The following PMFBP1 variants were observed in gnomAD, a reference collection of about 807,000 sequenced individuals.
PMFBP1 encodes polyamine modulated factor 1 binding protein 1, also known as polyamine-modulated factor 1-binding protein 1.
Under a neutral mutation model 137.8 loss-of-function variants are expected in PMFBP1, and 131 were observed. That is an observed-to-expected ratio of 0.95 (90% CI 0.82 to 1.10). The LOEUF (loss-of-function observed/expected upper bound fraction) is 1.10, where lower values mean the gene tolerates loss of function less well. Among genes scored for constraint, PMFBP1 ranks in the 50% least tolerant of loss-of-function variants. The pLI is 0.00. For synonymous variants in PMFBP1, 490 were observed against 450.4 expected, an observed-to-expected ratio of 1.09 and a Z score of -1.11; for missense variants, 1,199 against 1,175.4, an observed-to-expected ratio of 1.02 and a Z score of -0.29.
the PMFBP1 span, chr16:72,224,767 T>C: frequency 6.6e-6 from 1 of 152,252 alleles, no homozygotes; most frequent in East Asian, 1.9e-4. Context: ...AGTGACTGAA[T>C]CAACTTGCTC....
At chr16:72,183,968 T>C in the PMFBP1 span, among the ~76,000 whole-genome samples, 1 of 152,142 alleles carries the variant, frequency 6.6e-6, no homozygotes, top group Non-Finnish European at 1.5e-5. Context: ...CCCTTTTTGG[T>C]CCTTATTGTA....
At chr16:72,131,746 G>T (rs1236499894) in intron 10 of PMFBP1, among the ~76,000 whole-genome samples, 1 of 152,212 alleles carries the variant, frequency 6.6e-6, no homozygotes, top group Admixed American at 6.5e-5. Flanking sequence ...GTAGCCAACA[G>T]CATCAAGGAA....
rs769323140 is a variant in PMFBP1 at position 72,125,396 on chromosome 16, C to T, written c.2263G>A (p.Val755Met). 1.9e-5 allele frequency: 31 copies of T among 1,607,810 alleles called. No homozygotes were observed. The highest frequency in any genetic ancestry group is 8.6e-5 in the Admixed American group (5 of 57,976). The change falls in exon 16 of 21, where the codon GTG becomes ATG. Residue 755 changes from valine (V) to methionine (M), a missense_variant. Transcript: ENST00000237353. ...TGCAGGCTCTTTGTCTCTGAGGTCA[C>T]GTGATTGAGCTTCCGGAAAAGACAA... ...LTQALEKLNH[V>M]TSETKSLQQS...
intron 13 of PMFBP1, 102 bp from the exon 14 acceptor site, chr16:72,128,896 C>G: frequency 2.0e-6 from 3 of 1,535,858 alleles, no homozygotes; most frequent in Non-Finnish European, 2.6e-6. Flanking sequence ...CTATCTCCAC[C>G]CTGCGGGAGC....
chr16:72,192,545 T>A, the PMFBP1 span, among the ~76,000 whole-genome samples: 1 of 152,218 alleles, frequency 6.6e-6, no homozygotes, highest in South Asian at 2.1e-4. Flanking sequence ...TACAGGATTT[T>A]ATTCTAAGGG....
At chr16:72,224,181 T>C in the PMFBP1 span, among the ~76,000 whole-genome samples, 1 of 152,224 alleles carries the variant, frequency 6.6e-6, no homozygotes, top group African/African-American at 2.4e-5. Context: ...TGGCCTCATG[T>C]CCAAATCGGT....
At chr16:72,144,019 C>T (rs1366393323) in intron 5 of PMFBP1, among the ~76,000 whole-genome samples, 1 of 150,894 alleles carries the variant, frequency 6.6e-6, no homozygotes, top group Non-Finnish European at 1.5e-5. Context: ...CCAGCCTGGG[C>T]AACAAGAGCG....
At chr16:72,199,259 T>C in the PMFBP1 span, among the ~76,000 whole-genome samples, 3 of 148,410 alleles carry the variant, frequency 2.0e-5, no homozygotes, top group Non-Finnish European at 3.0e-5. Context: ...CTCCCCGCTT[T>C]ATGAATGTCA....
At chr16:72,161,415 T>C (rs2043060552) in intron 3 of PMFBP1, among the ~76,000 whole-genome samples, 1 of 152,106 alleles carries the variant, frequency 6.6e-6, no homozygotes, top group Non-Finnish European at 1.5e-5. Flanking sequence ...TTATTTCTTA[T>C]GTCTTCTACA....
intron 9 of PMFBP1, among the ~76,000 whole-genome samples, chr16:72,136,168 CAAGT>C (rs1460387262): frequency 6.6e-6 from 1 of 152,126 alleles, no homozygotes; most frequent in Non-Finnish European, 1.5e-5. Context: ...GGGAACAATG[CAAGT>C]AAGTGTGTCA....
the PMFBP1 span, among the ~76,000 whole-genome samples, chr16:72,213,757 G>A: frequency 2.0e-5 from 3 of 152,316 alleles, no homozygotes; most frequent in Admixed American, 2.0e-4. Context: ...ATACAAAAAA[G>A]TTGAGCGAAA....
the PMFBP1 span, among the ~76,000 whole-genome samples, chr16:72,191,685 C>T: frequency 6.6e-6 from 1 of 152,092 alleles, no homozygotes; most frequent in African/African-American, 2.4e-5. Context: ...CGTTCTGGTT[C>T]ATTTTTCTCC....
the PMFBP1 span, among the ~76,000 whole-genome samples, chr16:72,239,582 T>C: frequency 6.6e-6 from 1 of 152,120 alleles, no homozygotes; most frequent in Non-Finnish European, 1.5e-5. Flanking sequence ...ATCATTACTA[T>C]CATCTAGTGC....
the PMFBP1 span, among the ~76,000 whole-genome samples, chr16:72,182,821 C>T: frequency 6.6e-6 from 1 of 152,104 alleles, no homozygotes; most frequent in African/African-American, 2.4e-5. Context: ...TATGGAGTTG[C>T]GCTGGGTTTT....
the PMFBP1 span, among the ~76,000 whole-genome samples, chr16:72,232,565 C>G: frequency 6.6e-6 from 1 of 152,250 alleles, no homozygotes; most frequent in East Asian, 1.9e-4. Flanking sequence ...TGGCTTGAAA[C>G]CCCATTAGAA....
chr16:72,188,625 A>G, the PMFBP1 span, among the ~76,000 whole-genome samples: 2 of 152,328 alleles, frequency 1.3e-5, no homozygotes, highest in East Asian at 1.9e-4. Context: ...AACTGATGGG[A>G]TACAGAAAGG....
chr16:72,149,145 T>G (rs2042860362), intron 5 of PMFBP1, among the ~76,000 whole-genome samples: 1 of 152,220 alleles, frequency 6.6e-6, no homozygotes, highest in African/African-American at 2.4e-5. Flanking sequence ...TAGAGTTGGC[T>G]TCCTGGGGAA....
the PMFBP1 span, among the ~76,000 whole-genome samples, chr16:72,240,293 AACG>A: frequency 3.0e-4 from 46 of 152,362 alleles, no homozygotes; most frequent in African/African-American, 1.1e-3. Flanking sequence ...TCAGAATCTC[AACG>A]ACTACATACT....
chr16:72,157,833 A>G (rs2043005505), intron 3 of PMFBP1, among the ~76,000 whole-genome samples: 1 of 152,134 alleles, frequency 6.6e-6, no homozygotes, highest in Admixed American at 6.5e-5. Context: ...GATGGTAGCA[A>G]TGGAGGGCGG....
Sources: allele counts gnomAD v4.1 joint callset (sites outside exome capture counted in the v4.1 genomes callset), GRCh38; gene constraint gnomAD v4.1.1; transcripts MANE v1.5; gene names NCBI Gene and HGNC (gene_info 2026-07-23, HGNC 2026-07-21).